The following NTM variants were observed in gnomAD, a reference collection of about 807,000 sequenced individuals.
NTM encodes IgLON family member 2.
NTM carries 13 observed loss-of-function variants against 42.1 expected under a neutral mutation model. The observed-to-expected ratio is 0.31, with a 90% CI of 0.20 to 0.49. The LOEUF (loss-of-function observed/expected upper bound fraction) is 0.49, where lower values mean the gene tolerates loss of function less well. NTM is among the 20% of genes least tolerant of loss of function. The probability of loss-of-function intolerance (pLI) is 0.99; values close to 1 mark genes in which losing one functional copy is unlikely to be tolerated. For synonymous variants in NTM, 187 were observed against 179.2 expected (o/e 1.04, Z -0.35); for missense variants, 373 against 452.8 (o/e 0.82, Z 1.60).
At chr11:132,044,042 G>A (rs1281897860) in intron 2 of NTM, among the ~76,000 whole-genome samples, 1 of 150,752 alleles carries the variant, frequency 6.6e-6, no homozygotes, top group Admixed American at 6.6e-5. Flanking sequence ...GTGTATATGT[G>A]TATGGGTATG....
intron 4 of NTM, among the ~76,000 whole-genome samples, chr11:132,271,968 T>G (rs1445207684): frequency 6.6e-6 from 1 of 152,124 alleles, no homozygotes; most frequent in Admixed American, 6.5e-5. Context: ...AGGAAACCAT[T>G]CCAAGGTCAT....
chr11:132,042,805 T>C (rs1187848506), intron 2 of NTM, among the ~76,000 whole-genome samples: 2 of 152,238 alleles, frequency 1.3e-5, no homozygotes, highest in African/African-American at 4.8e-5. Flanking sequence ...CAATTATTTA[T>C]GCAACATCTG....
intron 2 of NTM, among the ~76,000 whole-genome samples, chr11:132,068,918 T>A (rs1220941463): frequency 1.3e-5 from 2 of 152,244 alleles, no homozygotes; most frequent in East Asian, 3.8e-4. Context: ...TCCAGGATCA[T>A]CTCTTTTATT....
chr11:131,530,543 G>T (rs1290276493), intron 1 of NTM, among the ~76,000 whole-genome samples: 1 of 152,138 alleles, frequency 6.6e-6, no homozygotes, highest in Non-Finnish European at 1.5e-5. Context: ...ACTATAGGGA[G>T]GGCTGGAACT....
intron 1 of NTM, among the ~76,000 whole-genome samples, chr11:131,896,284 G>A (rs1187677338): frequency 6.6e-6 from 1 of 152,052 alleles, no homozygotes; most frequent in African/African-American, 2.4e-5. Context: ...TTCAAAAAAT[G>A]ACCTATATAA....
At chr11:132,129,774 A>C (rs376370204) in intron 2 of NTM, among the ~76,000 whole-genome samples, 209 of 152,368 alleles carry the variant, frequency 1.4e-3, no homozygotes, top group African/African-American at 4.8e-3. Context: ...GACCAAGAAG[A>C]GCATACAGTA....
At chr11:131,480,441 C>T (rs1296163778) in intron 1 of NTM, among the ~76,000 whole-genome samples, 1 of 152,164 alleles carries the variant, frequency 6.6e-6, no homozygotes, top group Non-Finnish European at 1.5e-5. Flanking sequence ...CCCCCACCTC[C>T]ACCTTGACTT....
intron 2 of NTM, among the ~76,000 whole-genome samples, chr11:132,048,923 G>A (rs1190240875): frequency 6.6e-6 from 1 of 150,988 alleles, no homozygotes; most frequent in African/African-American, 2.4e-5. Flanking sequence ...TGAAGAGTCG[G>A]CCCTTACCCT....
intron 1 of NTM, among the ~76,000 whole-genome samples, chr11:131,517,718 T>C (rs1565590921): frequency 6.6e-6 from 1 of 152,186 alleles, no homozygotes; most frequent in Non-Finnish European, 1.5e-5. Flanking sequence ...TTGAAGAGAC[T>C]TTACAAGATT....
At chr11:131,813,918 T>C (rs2092841514) in intron 1 of NTM, among the ~76,000 whole-genome samples, 1 of 152,178 alleles carries the variant, frequency 6.6e-6, no homozygotes, top group Non-Finnish European at 1.5e-5. Flanking sequence ...CAGTGCCTAC[T>C]TCACAGACTT....
chr11:131,730,021 C>T (rs2079444248), intron 1 of NTM, among the ~76,000 whole-genome samples: 1 of 152,120 alleles, frequency 6.6e-6, no homozygotes, highest in Non-Finnish European at 1.5e-5. Context: ...AACTGCCAAT[C>T]TGTTTTTCAA....
intron 3 of NTM, among the ~76,000 whole-genome samples, chr11:132,166,730 T>C (rs1449576616): frequency 6.6e-6 from 1 of 152,222 alleles, no homozygotes; most frequent in African/African-American, 2.4e-5. Flanking sequence ...TCCTCCACAG[T>C]TCCTCCTTTC....
chr11:131,606,293 C>T (rs1221602769), intron 1 of NTM, among the ~76,000 whole-genome samples: 2 of 152,240 alleles, frequency 1.3e-5, no homozygotes, highest in African/African-American at 4.8e-5. Flanking sequence ...TGGCCTCAAG[C>T]GATCCTCCTG....
chr11:131,910,565 G>A (rs1373969718), intron 1 of NTM, among the ~76,000 whole-genome samples: 1 of 151,168 alleles, frequency 6.6e-6, no homozygotes, highest in Non-Finnish European at 1.5e-5. Flanking sequence ...TGGCGGTCAG[G>A]GATGGAGCTG....
chr11:131,503,144 C>T (rs904155513), intron 1 of NTM, among the ~76,000 whole-genome samples: 2 of 152,202 alleles, frequency 1.3e-5, no homozygotes, highest in East Asian at 1.9e-4. Context: ...GTGTGCATGC[C>T]CACAGGAACT....
chr11:131,447,313 AT>A (rs1440841678), intron 1 of NTM, among the ~76,000 whole-genome samples: 1 of 152,114 alleles, frequency 6.6e-6, no homozygotes, highest in Admixed American at 6.5e-5. Context: ...TCTGTTTATC[AT>A]TTTATCTTGT....
chr11:132,334,976 A>T, intron 8 of NTM, 70 bp from the exon 9 acceptor site: 3 of 1,577,308 alleles, frequency 1.9e-6, no homozygotes, highest in Non-Finnish European at 2.6e-6. Context: ...ATGACAGCAG[A>T]CCAGGCAACC....
At chr11:131,932,066 T>G (rs557043364) in intron 2 of NTM, among the ~76,000 whole-genome samples, 1 of 152,288 alleles carries the variant, frequency 6.6e-6, no homozygotes, top group South Asian at 2.1e-4. Context: ...GATGGCAACG[T>G]CAGGTTCAAT....
At chr11:131,397,176 A>C (rs1007668399) in intron 1 of NTM, among the ~76,000 whole-genome samples, 3 of 152,176 alleles carry the variant, frequency 2.0e-5, no homozygotes, top group African/African-American at 7.2e-5. Context: ...AAACATTTTT[A>C]ATTCATTTTT....
Sources: gnomAD v4.1 joint callset for allele counts (sites outside exome capture counted in the v4.1 genomes callset) on GRCh38, gnomAD v4.1.1 for gene constraint, MANE v1.5 for transcripts, NCBI Gene and HGNC (gene_info 2026-07-23, HGNC 2026-07-21) for gene names.